The following C10orf90 variants were observed in gnomAD, a reference collection of about 807,000 sequenced individuals.
C10orf90 encodes (E2-independent) E3 ubiquitin-conjugating enzyme FATS.
Under a neutral mutation model 62.5 loss-of-function variants are expected in C10orf90, and 56 were observed. That is an observed-to-expected ratio of 0.90 (90% confidence interval 0.72 to 1.12). The LOEUF (loss-of-function observed/expected upper bound fraction) is 1.12, where lower values mean the gene tolerates loss of function less well. Ranked by LOEUF, C10orf90 falls within the 50% of genes most tolerant of loss-of-function variation. The pLI is 0.00. For synonymous variants in C10orf90, 386 were observed against 340.4 expected (o/e 1.13, Z -1.47); for missense variants, 970 against 880.4 (o/e 1.10, Z -1.29).
chr10:126,458,194 C>T (rs1160606166), intron 7 of C10orf90, among the ~76,000 whole-genome samples: 1 of 152,158 alleles, frequency 6.6e-6, no homozygotes, highest in Non-Finnish European at 1.5e-5. Flanking sequence ...TGCTAAGCTG[C>T]ACTTTATTGA....
chr10:126,431,794 CT>C (rs773136174), intron 7 of C10orf90, among the ~76,000 whole-genome samples: 2 of 151,284 alleles, frequency 1.3e-5, no homozygotes, highest in South Asian at 2.1e-4. Flanking sequence ...TCTTTTCTTT[CT>C]TTTTTTTTCA....
intron 4 of C10orf90, among the ~76,000 whole-genome samples, chr10:126,483,392 A>T (rs2133810206): frequency 6.6e-6 from 1 of 152,332 alleles, no homozygotes; most frequent in Admixed American, 6.5e-5. Flanking sequence ...TTAAGGATTC[A>T]CATCCAATTA....
chr10:126,466,191 C>G (rs1421612274), intron 4 of C10orf90, among the ~76,000 whole-genome samples: 2 of 152,012 alleles, frequency 1.3e-5, no homozygotes, highest in Non-Finnish European at 2.9e-5. Flanking sequence ...GGAATGCGTC[C>G]TAGCCTTCCT....
intron 2 of C10orf90, among the ~76,000 whole-genome samples, chr10:126,609,098 T>A (rs905422120): frequency 5.3e-5 from 8 of 152,280 alleles, no homozygotes; most frequent in African/African-American, 1.7e-4. Flanking sequence ...AAGGAGGTAA[T>A]ATGAAATAAG....
chr10:126,662,183 G>T (rs1182949920), intron 1 of C10orf90, among the ~76,000 whole-genome samples: 1 of 152,052 alleles, frequency 6.6e-6, no homozygotes, highest in Admixed American at 6.6e-5. Context: ...AATTATTATG[G>T]GTGGATCTAG....
chr10:126,641,546 C>T (rs1278941140), intron 2 of C10orf90, among the ~76,000 whole-genome samples: 1 of 152,008 alleles, frequency 6.6e-6, no homozygotes, highest in African/African-American at 2.4e-5. Context: ...CATCATTTCC[C>T]TCTCTATTTA....
At chr10:126,538,205 A>G (rs1864286698) in intron 2 of C10orf90, among the ~76,000 whole-genome samples, 1 of 152,216 alleles carries the variant, frequency 6.6e-6, no homozygotes, top group African/African-American at 2.4e-5. Context: ...ACTCCCTTTT[A>G]TAAAACCATC....
chr10:126,476,661 G>A (rs1590973238), intron 4 of C10orf90, among the ~76,000 whole-genome samples: 4 of 152,180 alleles, frequency 2.6e-5, no homozygotes, highest in African/African-American at 7.2e-5. Context: ...CAAATGCTCC[G>A]CTTTCTAATC....
intron 2 of C10orf90, among the ~76,000 whole-genome samples, chr10:126,560,749 T>G (rs1396247768): frequency 6.6e-6 from 1 of 152,170 alleles, no homozygotes; most frequent in South Asian, 2.1e-4. Context: ...TTGCTGCTAC[T>G]CAACTCTGCA....
At chr10:126,466,196 C>T (rs1210343509) in intron 4 of C10orf90, among the ~76,000 whole-genome samples, 2 of 152,052 alleles carry the variant, frequency 1.3e-5, no homozygotes, top group African/African-American at 4.8e-5. Flanking sequence ...GCGTCCTAGC[C>T]TTCCTGTGTG....
intron 4 of C10orf90, among the ~76,000 whole-genome samples, chr10:126,467,374 G>T (rs570302487): frequency 2.0e-5 from 3 of 152,328 alleles, no homozygotes; most frequent in South Asian, 2.1e-4. Flanking sequence ...ACCCTCAGGT[G>T]GGCCCTCGCA....
At chr10:126,481,601 G>A (rs913064448) in intron 4 of C10orf90, among the ~76,000 whole-genome samples, 3 of 152,308 alleles carry the variant, frequency 2.0e-5, no homozygotes, top group East Asian at 1.9e-4. Context: ...TGTGTCAGGA[G>A]GTTGTTGGAA....
intron 3 of C10orf90, among the ~76,000 whole-genome samples, chr10:126,513,385 T>G (rs1057460053): frequency 3.3e-5 from 5 of 152,220 alleles, no homozygotes; most frequent in African/African-American, 1.2e-4. Flanking sequence ...TATGATACAT[T>G]GACGATATTA....
intron 2 of C10orf90, among the ~76,000 whole-genome samples, chr10:126,594,280 C>CGT (rs928343666): frequency 5.3e-5 from 8 of 151,848 alleles, no homozygotes; most frequent in African/African-American, 1.5e-4. Context: ...AGAGACAAAT[C>CGT]GTGTGTCTGT....
chr10:126,555,617 T>G (rs1327068642), intron 2 of C10orf90, among the ~76,000 whole-genome samples: 1 of 151,498 alleles, frequency 6.6e-6, no homozygotes, highest in East Asian at 1.9e-4. Context: ...AGGTGGAGGT[T>G]GCAGTGAGCT....
chr10:126,499,810 C>T (rs968221780), intron 4 of C10orf90, among the ~76,000 whole-genome samples: 16 of 152,168 alleles, frequency 1.1e-4, no homozygotes, highest in African/African-American at 3.6e-4. Context: ...TAGATGTGGA[C>T]AGCGTATTCA....
At chr10:126,639,742 T>C (rs1306149183) in intron 2 of C10orf90, among the ~76,000 whole-genome samples, 3 of 152,276 alleles carry the variant, frequency 2.0e-5, no homozygotes, top group East Asian at 1.9e-4. Context: ...CAAAGCTATA[T>C]AGACTGCGAA....
Position 126,581,084 on chromosome 10 carries a change from C to T in C10orf90, c.313+65481G>A, listed in dbSNP as rs141983662. ...GCAACAACTCGCTTAGACTAGCCGC[C>T]GTGCAGAGTGGAAATCCCGGAAACA... is the stretch of plus-strand genomic sequence containing the variant. On this transcript the variant is annotated intron_variant, in intron 2 of 9. Coordinates refer to ENST00000488181, the MANE Select transcript of C10orf90 (RefSeq NM_001350921.2). Among the ~76,000 whole-genome samples the T allele has an allele frequency of 1.1e-3, 164 of 152,314 alleles. 4 individuals are homozygous for T. Among genetic ancestry groups the T allele is most frequent in the African/African-American group, 3.5e-3 (146 of 41,566 alleles).
chr10:126,559,655 T>C (rs1864858063), intron 2 of C10orf90, among the ~76,000 whole-genome samples: 1 of 152,108 alleles, frequency 6.6e-6, no homozygotes, highest in Non-Finnish European at 1.5e-5. Context: ...GATCGGAAGA[T>C]GGGTACCAGA....
Sources: gnomAD v4.1 joint callset for allele counts (sites outside exome capture counted in the v4.1 genomes callset) on GRCh38, gnomAD v4.1.1 for gene constraint, MANE v1.5 for transcripts, NCBI Gene and HGNC (gene_info 2026-07-23, HGNC 2026-07-21) for gene names.